The following MYO5B variants were observed in gnomAD, a reference collection of about 807,000 sequenced individuals.
The protein encoded by MYO5B is unconventional myosin-Vb.
In MYO5B, 143 loss-of-function variants were observed where a neutral mutation model predicts 229.3. That is an observed-to-expected ratio of 0.62 (90% confidence interval 0.54 to 0.72). The LOEUF is 0.72. MYO5B is among the 30% of genes least tolerant of loss of function. MYO5B has a pLI of 0.00. For synonymous variants in MYO5B, 918 were observed against 885.2 expected (o/e 1.04, Z -0.66); for missense variants, 2,321 against 2,331.0 (o/e 1.00, Z 0.09).
intron 22 of MYO5B, among the ~76,000 whole-genome samples, chr18:49,893,364 CCTT>C (rs2024738224): frequency 6.6e-6 from 1 of 152,182 alleles, no homozygotes; most frequent in Non-Finnish European, 1.5e-5. Context: ...TTGGACCTCA[CCTT>C]CTGGTTTTTA....
chr18:49,907,424 C>T (rs2024911587), intron 18 of MYO5B, among the ~76,000 whole-genome samples: 1 of 152,132 alleles, frequency 6.6e-6, no homozygotes, highest in African/African-American at 2.4e-5. Flanking sequence ...AATTAGTTGC[C>T]CTTCCCTGGG....
chr18:49,922,796 A>G (rs568594944), intron 17 of MYO5B, among the ~76,000 whole-genome samples: 6 of 152,144 alleles, frequency 3.9e-5, no homozygotes, highest in Non-Finnish European at 8.8e-5. Flanking sequence ...AGTGGTACAA[A>G]TACACATGTA....
chr18:49,983,215 C>T (rs749664203), intron 8 of MYO5B, among the ~76,000 whole-genome samples: 3 of 152,208 alleles, frequency 2.0e-5, no homozygotes, highest in Non-Finnish European at 2.9e-5. Flanking sequence ...GGTAGAATGT[C>T]AAGCTTGCTC....
intron 20 of MYO5B, among the ~76,000 whole-genome samples, 172 bp downstream of exon 20, chr18:49,904,500 C>T (rs142790169): frequency 0.021 from 3,152 of 152,358 alleles, 48 homozygotes; most frequent in South Asian, 0.042. Flanking sequence ...CAACAGTATG[C>T]ACACCCTTCC....
At position 50,188,794 on chromosome 18, in the gene MYO5B, A is replaced by AC. The variant is rs1221026552; in HGVS notation, c.27+5972_27+5973insG. On this transcript the variant is annotated intron_variant, in intron 1 of 39. Transcript: ENST00000285039. Reference sequence around the variant, plus strand: ...CAGTGAGACTCTGTCATAAAAAAAAAAAAAAAAAAAAAAAAAAAAAAAACA... The same window carrying AC: ...CAGTGAGACTCTGTCATAAAAAAAAACAAAAAAAAAAAAAAAAAAAAAAACA... Among the ~76,000 whole-genome samples the AC allele has an allele frequency of 8.1e-3, 1,052 of 129,362 alleles. 24 individuals are homozygous for AC. Among genetic ancestry groups the AC allele is most frequent in the African/African-American group, 0.025 (814 of 32,816 alleles). 84.9% of individuals were successfully genotyped at this position (129,362 alleles called of 152,430 possible).
intron 31 of MYO5B, among the ~76,000 whole-genome samples, chr18:49,853,135 G>A (rs2024220685): frequency 6.6e-6 from 1 of 152,198 alleles, no homozygotes; most frequent in Admixed American, 6.5e-5. Flanking sequence ...ACTGAGTCTT[G>A]AGGAGTCTCG....
chr18:50,142,861 C>G (rs1054956580), intron 1 of MYO5B, among the ~76,000 whole-genome samples: 1 of 152,242 alleles, frequency 6.6e-6, no homozygotes, highest in African/African-American at 2.4e-5. Context: ...GAAATCACAA[C>G]AGCATCATTC....
intron 14 of MYO5B, among the ~76,000 whole-genome samples, chr18:49,946,929 A>G (rs1332470924): frequency 6.6e-6 from 1 of 152,102 alleles, no homozygotes; most frequent in African/African-American, 2.4e-5. Flanking sequence ...AAGAGATACC[A>G]TGTTCAACGC....
intron 1 of MYO5B, among the ~76,000 whole-genome samples, chr18:50,157,416 T>C (rs975454733): frequency 6.6e-6 from 1 of 152,324 alleles, no homozygotes; most frequent in Admixed American, 6.5e-5. Context: ...CAAAATATCC[T>C]ATGTGATCTG....
chr18:49,910,614 C>T (rs1220709577), intron 18 of MYO5B, among the ~76,000 whole-genome samples: 1 of 151,362 alleles, frequency 6.6e-6, no homozygotes, highest in African/African-American at 2.4e-5. Flanking sequence ...AGTATTTAGG[C>T]TCTCTTTTTA....
At chr18:50,162,653 C>T (rs2032784960) in intron 1 of MYO5B, among the ~76,000 whole-genome samples, 1 of 152,236 alleles carries the variant, frequency 6.6e-6, no homozygotes, top group African/African-American at 2.4e-5. Flanking sequence ...TCACATTATC[C>T]ACTAATGCAC....
At chr18:49,984,622 C>A (rs185800424) in intron 8 of MYO5B, 96 bp downstream of exon 8, 2 of 929,920 alleles carry the variant, frequency 2.2e-6, no homozygotes, top group Non-Finnish European at 3.6e-6. Flanking sequence ...TTAGCTCCTG[C>A]AGGTTGCTGG....
chr18:50,093,800 C>A (rs1370882467), intron 1 of MYO5B, among the ~76,000 whole-genome samples: 1 of 152,124 alleles, frequency 6.6e-6, no homozygotes, highest in South Asian at 2.1e-4. Context: ...AAGAAAGACA[C>A]TCCCACCAGT....
At chr18:50,118,785 T>C (rs1344526292) in intron 1 of MYO5B, among the ~76,000 whole-genome samples, 1 of 152,092 alleles carries the variant, frequency 6.6e-6, no homozygotes, top group Non-Finnish European at 1.5e-5. Flanking sequence ...CCACTATGCC[T>C]GGCTAATTTT....
At chr18:50,167,177 G>A (rs1330407496) in intron 1 of MYO5B, among the ~76,000 whole-genome samples, 1 of 152,180 alleles carries the variant, frequency 6.6e-6, no homozygotes, top group African/African-American at 2.4e-5. Context: ...CTTTCCTTAG[G>A]AAAATCCTTG....
At chr18:50,034,768 A>T (rs1420984699) in intron 4 of MYO5B, among the ~76,000 whole-genome samples, 4 of 152,108 alleles carry the variant, frequency 2.6e-5, no homozygotes, top group Non-Finnish European at 4.4e-5. Context: ...ACAAAACAAA[A>T]AAACCAAAAA....
At chr18:49,986,006 C>G (rs1053393161) in intron 7 of MYO5B, among the ~76,000 whole-genome samples, 1 of 152,276 alleles carries the variant, frequency 6.6e-6, no homozygotes, top group African/African-American at 2.4e-5. Flanking sequence ...AAATCCACCT[C>G]GAAAATGCTA....
At chr18:50,091,062 C>T (rs977375648) in intron 1 of MYO5B, among the ~76,000 whole-genome samples, 2 of 149,572 alleles carry the variant, frequency 1.3e-5, no homozygotes, top group South Asian at 2.2e-4. Context: ...GTACCACCAG[C>T]ATGAGAGAAT....
intron 4 of MYO5B, among the ~76,000 whole-genome samples, chr18:50,021,261 C>T (rs1242099361): frequency 6.6e-6 from 1 of 152,164 alleles, no homozygotes; most frequent in Non-Finnish European, 1.5e-5. Flanking sequence ...TTAGTGCAAG[C>T]CTGGCAACAC....
Sources: gnomAD v4.1 joint callset for allele counts (sites outside exome capture counted in the v4.1 genomes callset) on GRCh38, gnomAD v4.1.1 for gene constraint, MANE v1.5 for transcripts, NCBI Gene and HGNC (gene_info 2026-07-23, HGNC 2026-07-21) for gene names.